Variants in PLA2G4E observed in about 807,000 individuals in gnomAD.
The protein encoded by PLA2G4E is cytosolic phospholipase A2 epsilon.
A neutral mutation model predicts 109.1 loss-of-function variants in PLA2G4E; 84 were observed. The ratio of observed to expected loss-of-function variants is 0.77; its 90% CI spans 0.65 to 0.92. PLA2G4E has a LOEUF of 0.92. PLA2G4E is among the 40% of genes least tolerant of loss of function. The probability of loss-of-function intolerance (pLI) is 0.00; values close to 1 mark genes in which losing one functional copy is unlikely to be tolerated. For missense variants in PLA2G4E, 1,057 were observed against 1,076.6 expected (o/e 0.98, Z 0.25); for synonymous variants, 469 against 436.1 (o/e 1.08, Z -0.94).
At chr15:41,985,938 A>G (rs1370778455) in exon 18 of PLA2G4E, 13 of 1,606,520 alleles carry the variant, frequency 8.1e-6, no homozygotes, top group Non-Finnish European at 1.0e-5. Flanking sequence ...CAAAGAACGC[A>G]GTGTCCAGCA....
intron 6 of PLA2G4E, among the ~76,000 whole-genome samples, chr15:42,002,093 T>C (rs1774131656): frequency 6.6e-6 from 1 of 151,994 alleles, no homozygotes; most frequent in African/African-American, 2.4e-5. Context: ...GCAGATCGCT[T>C]GAGCTCAGGA....
rs746510971 is a variant in PLA2G4E, at chr15:42,039,576, T to C, written c.183+10945A>G. 7.9e-5 allele frequency among the ~76,000 whole-genome samples: 12 copies of C among 152,244 alleles called. No individual in the cohort carries two copies. In the South Asian group the frequency reaches 8.3e-4, roughly 11 times the overall value. On this transcript the variant is annotated intron_variant, in intron 1 of 19. Coordinates refer to ENST00000399518, the Ensembl canonical transcript of PLA2G4E. ...GAATACTTGAATTTGCATATGTATG[T>C]ATATACACATATACTTGGATTTAGG... is the stretch of plus-strand genomic sequence containing the variant.
rs2141058393 is a variant in PLA2G4E at position 42,014,716 on chromosome 15, G to T, written c.184-959C>A. 2.0e-5 allele frequency among the ~76,000 whole-genome samples: 3 copies of T among 152,224 alleles called. No homozygotes were observed. The South Asian group carries it at 6.2e-4, about 32-fold the overall frequency. On this transcript the variant is annotated intron_variant, in intron 1 of 19. Coordinates refer to ENST00000399518, the Ensembl canonical transcript of PLA2G4E. ...CAGGGTATCTCCCCCAGGTCCTTCT[G>T]GTCACTCTATTTTCCCTTCCCAGGA...
chr15:41,987,902 CAT>C, intron 16 of PLA2G4E, 145 bp downstream of exon 16: 5 of 579,778 alleles, frequency 8.6e-6, no homozygotes, highest in African/African-American at 1.9e-5. Context: ...GGCCGCCCCC[CAT>C]CACCCAGCCA....
chr15:42,047,727 G>C (rs1056869187), intron 1 of PLA2G4E, among the ~76,000 whole-genome samples: 1 of 152,132 alleles, frequency 6.6e-6, no homozygotes, highest in Non-Finnish European at 1.5e-5. Context: ...TGCAGAGCTG[G>C]TGGTGACTCT....
chr15:42,048,385 G>A (rs1230237319), intron 1 of PLA2G4E, among the ~76,000 whole-genome samples: 1 of 152,214 alleles, frequency 6.6e-6, no homozygotes, highest in African/African-American at 2.4e-5. Flanking sequence ...GGGTTAATGG[G>A]ATTATAGTGG....
chr15:42,044,222 G>A lies in PLA2G4E; in HGVS notation c.183+6299C>T, dbSNP rs541640826. ...AGGAAGGAAAGTAACAGGGTGCTAC[G>A]AAAGACGGGAACGGATTCTGATTTG... On this transcript the variant is annotated intron_variant, in intron 1 of 19. Coordinates refer to ENST00000399518, the Ensembl canonical transcript of PLA2G4E. 3.3e-5 allele frequency among the ~76,000 whole-genome samples: 5 copies of A among 152,282 alleles called. No homozygotes were observed. The East Asian group carries it at 7.7e-4, about 24-fold the overall frequency.
intron 1 of PLA2G4E, among the ~76,000 whole-genome samples, chr15:42,015,108 G>A (rs1173980703): frequency 6.6e-6 from 1 of 152,168 alleles, no homozygotes; most frequent in Admixed American, 6.5e-5. Flanking sequence ...CTGGGCTGCA[G>A]TGTCTGGGGC....
exon 14 of PLA2G4E, chr15:41,990,155 A>G: frequency 6.2e-7 from 1 of 1,613,436 alleles, no homozygotes; most frequent in South Asian, 1.1e-5. Context: ...CATCCTTGAC[A>G]TTGATGGTGA....
At chr15:42,050,687 G>C (rs981847626) in exon 1 of PLA2G4E, 1 of 1,550,240 alleles carries the variant, frequency 6.5e-7, no homozygotes, top group South Asian at 1.2e-5. Context: ...ACAGCCTTCC[G>C]AGGCCTGGAG....
intron 1 of PLA2G4E, among the ~76,000 whole-genome samples, chr15:42,029,431 A>G (rs1332744351): frequency 1.3e-5 from 2 of 152,088 alleles, no homozygotes; most frequent in Non-Finnish European, 2.9e-5. Flanking sequence ...CCACAGCTCA[A>G]TATTTCTCTT....
At chr15:42,020,766 G>A (rs1288609140) in intron 1 of PLA2G4E, among the ~76,000 whole-genome samples, 169 bp downstream of exon 1, 1 of 152,116 alleles carries the variant, frequency 6.6e-6, no homozygotes. Context: ...CCTCCCCCAG[G>A]TTTTAAGATG....
chr15:42,005,846 G>A, intron 4 of PLA2G4E, 144 bp downstream of exon 4: 1 of 1,002,874 alleles, frequency 1.0e-6, no homozygotes, highest in Non-Finnish European at 1.4e-6. Context: ...GAGTGACAGT[G>A]CTGGGATTTA....
At chr15:42,028,225 A>G (rs1476032069) in intron 1 of PLA2G4E, among the ~76,000 whole-genome samples, 1 of 152,196 alleles carries the variant, frequency 6.6e-6, no homozygotes, top group East Asian at 1.9e-4. Context: ...GCAGAATTGA[A>G]ACACAGAGAG....
chr15:41,982,060 C>T (rs1370606914), exon 20 of PLA2G4E: 2 of 152,192 alleles, frequency 1.3e-5, no homozygotes, highest in African/African-American at 4.8e-5. Flanking sequence ...TTCCAACCAG[C>T]TCCCCACTGC....
chr15:42,001,299 G>A, intron 6 of PLA2G4E, 79 bp from the exon 7 acceptor site: 1 of 1,321,134 alleles, frequency 7.6e-7, no homozygotes, highest in South Asian at 1.2e-5. Flanking sequence ...GGGAGATGAG[G>A]GACCAGAGGA....
chr15:41,992,131 G>A (rs148801246), intron 13 of PLA2G4E, among the ~76,000 whole-genome samples: 9 of 152,280 alleles, frequency 5.9e-5, no homozygotes, highest in East Asian at 1.9e-4. Context: ...CCATGAGAAC[G>A]GGCCCTGCAG....
chr15:41,991,826 T>C (rs1287267773), intron 13 of PLA2G4E, among the ~76,000 whole-genome samples: 1 of 152,164 alleles, frequency 6.6e-6, no homozygotes, highest in Non-Finnish European at 1.5e-5. Context: ...ACCGTGGGCC[T>C]GGACAGAGGT....
intron 1 of PLA2G4E, among the ~76,000 whole-genome samples, chr15:42,015,300 G>T (rs934048083): frequency 6.6e-6 from 1 of 152,176 alleles, no homozygotes; most frequent in Non-Finnish European, 1.5e-5. Flanking sequence ...TACAGCAACA[G>T]AGTGTCGCCG....
Sources: gnomAD v4.1 joint callset for allele counts (sites outside exome capture counted in the v4.1 genomes callset) on GRCh38, gnomAD v4.1.1 for gene constraint, MANE v1.5 for transcripts, NCBI Gene and HGNC (gene_info 2026-07-23, HGNC 2026-07-21) for gene names.